The following ADAMTSL3 variants were observed in gnomAD, a reference collection of about 807,000 sequenced individuals.
The protein encoded by ADAMTSL3 is ADAMTS like 3, also known as ADAMTS-like protein 3.
In ADAMTSL3, 128 loss-of-function variants were observed where a neutral mutation model predicts 201.7. The observed-to-expected ratio is 0.63, with a 90% CI of 0.55 to 0.73. The LOEUF is 0.73. Among genes scored for constraint, ADAMTSL3 ranks in the 30% least tolerant of loss-of-function variants. ADAMTSL3 has a pLI of 0.00. For missense variants in ADAMTSL3, 1,990 were observed against 2,119.6 expected, an observed-to-expected ratio of 0.94 and a Z score of 1.20; for synonymous variants, 738 against 748.4, an observed-to-expected ratio of 0.99 and a Z score of 0.23.
At chr15:83,738,328 T>G (rs966512136) in intron 3 of ADAMTSL3, among the ~76,000 whole-genome samples, 1 of 152,228 alleles carries the variant, frequency 6.6e-6, no homozygotes, top group African/African-American at 2.4e-5. Context: ...GCCAATGTTA[T>G]TAATTCTTGG....
chr15:83,798,817 A>C lies in ADAMTSL3; in HGVS notation c.318-5833A>C, dbSNP rs924256135. 2.1e-4 allele frequency among the ~76,000 whole-genome samples: 31 copies of C among 151,194 alleles called. 1 individual carries two copies. The highest frequency in any genetic ancestry group is 3.2e-4 in the Non-Finnish European group (22 of 67,810). On this transcript the variant is annotated intron_variant, in intron 4 of 29. Coordinates refer to ENST00000286744, the MANE Select transcript of ADAMTSL3 (RefSeq NM_207517.3). The stretch of plus-strand genomic sequence containing the variant: ...GTGGGACTCCGTCTCAAAAAAAAAA[A>C]AAAAAAACAAAAAAAAAGGACAATA...
intron 20 of ADAMTSL3, among the ~76,000 whole-genome samples, chr15:83,976,395 A>C (rs2142143648): frequency 6.6e-6 from 1 of 152,270 alleles, no homozygotes; most frequent in Middle Eastern, 3.4e-3. Context: ...GTTTCATGGA[A>C]GACAGTTTTT....
rs2061049962 is a variant in ADAMTSL3 at position 83,654,565 on chromosome 15, T to C, written c.-34+289T>C. Among the ~76,000 whole-genome samples, 1 of 151,702 alleles carries C rather than the reference T, an allele frequency of 6.6e-6. No homozygotes were observed. The highest frequency in any genetic ancestry group is 1.5e-5 in the Non-Finnish European group (1 of 67,946). On this transcript the variant is annotated intron_variant, in intron 1 of 29. Transcript: ENST00000286744. The surrounding 1 kb of genome is among the most constrained non-coding windows in gnomAD (Gnocchi z 5.3). ...TTGATTATGGGGGAACTCCACAGGG[T>C]TGGAGTTTTTCAGGATTGGGAGTTA...
intron 8 of ADAMTSL3, chr15:83,862,181 T>G (rs1408708935): frequency 6.6e-6 from 1 of 152,338 alleles, no homozygotes; most frequent in South Asian, 2.1e-4. Flanking sequence ...TGGAACCAAG[T>G]TGGAAAACAC....
At chr15:83,836,400 A>C (rs2064269413) in intron 6 of ADAMTSL3, among the ~76,000 whole-genome samples, 1 of 152,236 alleles carries the variant, frequency 6.6e-6, no homozygotes, top group Non-Finnish European at 1.5e-5. Flanking sequence ...TCTAATCATA[A>C]GCTATTCTCT....
intron 2 of ADAMTSL3, among the ~76,000 whole-genome samples, chr15:83,675,548 T>C (rs893513230): frequency 6.6e-6 from 1 of 151,970 alleles, no homozygotes; most frequent in African/African-American, 2.4e-5. Context: ...TGAGAATTTT[T>C]GCATCTAAAT....
intron 3 of ADAMTSL3, among the ~76,000 whole-genome samples, chr15:83,743,924 C>T (rs183710670): frequency 3.4e-5 from 5 of 148,444 alleles, no homozygotes; most frequent in African/African-American, 1.2e-4. Flanking sequence ...GATCTCGGTT[C>T]ACTGCAAGCT....
At chr15:83,680,230 T>C (rs987358321) in intron 2 of ADAMTSL3, among the ~76,000 whole-genome samples, 4 of 152,076 alleles carry the variant, frequency 2.6e-5, no homozygotes, top group African/African-American at 9.7e-5. Flanking sequence ...ACATATGGAA[T>C]GTGAAAGGAA....
At chr15:83,710,792 T>A (rs1371101805) in intron 3 of ADAMTSL3, among the ~76,000 whole-genome samples, 2 of 152,162 alleles carry the variant, frequency 1.3e-5, no homozygotes, top group African/African-American at 2.4e-5. Context: ...CATCTGGAAT[T>A]GTATTAATAG....
intron 2 of ADAMTSL3, among the ~76,000 whole-genome samples, chr15:83,668,136 C>G (rs1248640192): frequency 6.6e-6 from 1 of 151,722 alleles, no homozygotes; most frequent in Non-Finnish European, 1.5e-5. Context: ...TGGGAACATG[C>G]TAGACAAAAT....
At chr15:83,841,291 G>A (rs915273849) in intron 7 of ADAMTSL3, among the ~76,000 whole-genome samples, 2 of 152,134 alleles carry the variant, frequency 1.3e-5, no homozygotes, top group African/African-American at 4.8e-5. Flanking sequence ...TACAGATGAG[G>A]AAACTAAGGA....
At position 83,982,340 on chromosome 15, in the gene ADAMTSL3, C is replaced by G; in HGVS notation, c.2712C>G (p.Val904=). 1 of 1,613,706 alleles carries G rather than the reference C, an allele frequency of 6.2e-7. No individual in the cohort carries two copies. The highest frequency in any genetic ancestry group is 1.1e-5 in the South Asian group (1 of 91,064). The stretch of plus-strand genomic sequence containing the variant: ...CGCAGATCCTCAGTGTCCAGAGAGT[C>G]TACATTCAGACAAGGGAAGAGAAGC... The part of the protein sequence containing the change: ...QGPQILSVQR[V]YIQTREEKRI... Residue 904 remains valine (V), a synonymous_variant, in exon 21 of 30, where the codon GTC becomes GTG. Coordinates refer to ENST00000286744, the MANE Select transcript of ADAMTSL3 (RefSeq NM_207517.3).
intron 17 of ADAMTSL3, among the ~76,000 whole-genome samples, chr15:83,929,522 A>G (rs747077776): frequency 6.6e-5 from 10 of 152,110 alleles, no homozygotes; most frequent in Non-Finnish European, 1.3e-4. Flanking sequence ...CCTCTTGATC[A>G]TCTGCAAAGA....
chr15:83,816,017 G>A (rs2063765204), intron 5 of ADAMTSL3, among the ~76,000 whole-genome samples: 1 of 152,214 alleles, frequency 6.6e-6, no homozygotes, highest in African/African-American at 2.4e-5. Context: ...AGGACAAAGG[G>A]GATTCACTGG....
intron 15 of ADAMTSL3, among the ~76,000 whole-genome samples, chr15:83,907,744 G>A (rs1646966433): frequency 6.6e-6 from 1 of 152,118 alleles, no homozygotes; most frequent in Admixed American, 6.5e-5. Context: ...ATTCCATTGT[G>A]TATATAGGCT....
chr15:83,706,980 T>G (rs2061861767), intron 3 of ADAMTSL3, among the ~76,000 whole-genome samples: 1 of 152,168 alleles, frequency 6.6e-6, no homozygotes, highest in Non-Finnish European at 1.5e-5. Context: ...ATCCTCTTTT[T>G]TCTTAATGCT....
rs1555428954 is a variant in ADAMTSL3 at position 83,674,766 on chromosome 15, C to CATATATACGCACATATATACAT, written c.69+18943_69+18944insCGCACATATATACATATATATA. Among the ~76,000 whole-genome samples, 50 of 68,946 alleles carry CATATATACGCACATATATACAT rather than the reference C, an allele frequency of 7.3e-4. 7 individuals are homozygous for CATATATACGCACATATATACAT. In the South Asian group the frequency reaches 0.032, roughly 44 times the overall value. The allele number at this position is 68,946 out of a possible 152,430, so 45.2% of individuals were successfully genotyped here. ...ATATACATATATACACACATATATA[C>CATATATACGCACATATATACAT]ATATATATATATATATATATATAAA... On this transcript the variant is annotated intron_variant, in intron 2 of 29. Coordinates refer to ENST00000286744, the MANE Select transcript of ADAMTSL3 (RefSeq NM_207517.3).
At chr15:83,823,964 CTTCTTCTT>C (rs1567169957) in intron 6 of ADAMTSL3, among the ~76,000 whole-genome samples, 1,044 of 84,156 alleles carry the variant, frequency 0.012, 15 homozygotes, top group Non-Finnish European at 0.015. Flanking sequence ...TCTTCTTCTT[CTTCTTCTT>C]CTCCTCCTCC....
intron 6 of ADAMTSL3, among the ~76,000 whole-genome samples, chr15:83,822,443 C>T (rs1191091152): frequency 5.0e-5 from 7 of 140,556 alleles, no homozygotes; most frequent in African/African-American, 2.0e-4. Flanking sequence ...TCAGACGGGG[C>T]GGTTGCCAGG....
Sources: gnomAD v4.1 joint callset for allele counts (sites outside exome capture counted in the v4.1 genomes callset) on GRCh38, gnomAD v4.1.1 for gene constraint, Gnocchi (gnomAD v3.1) non-coding constraint, MANE v1.5 for transcripts, NCBI Gene and HGNC (gene_info 2026-07-23, HGNC 2026-07-21) for gene names.